Variants in AFDN observed in about 807,000 individuals in gnomAD.
The protein encoded by AFDN is afadin.
A neutral mutation model predicts 216.6 loss-of-function variants in AFDN; 68 were observed. The ratio of observed to expected loss-of-function variants is 0.31; its 90% CI spans 0.26 to 0.38. The LOEUF (loss-of-function observed/expected upper bound fraction) is 0.38. AFDN is among the 10% of genes least tolerant of loss of function. The pLI is 1.00. For synonymous variants in AFDN, 868 were observed against 853.7 expected (o/e 1.02, Z -0.29); for missense variants, 2,136 against 2,342.0 (o/e 0.91, Z 1.82).
chr6:167,868,233 CT>C (rs2128239535), intron 2 of AFDN, among the ~76,000 whole-genome samples: 1 of 152,206 alleles, frequency 6.6e-6, no homozygotes, highest in African/African-American at 2.4e-5. Context: ...TAAAAGGCCC[CT>C]TAGAAAAACA....
At chr6:167,918,608 CTGTGTGTG>C in intron 20 of AFDN, 119 bp from the exon 21 acceptor site, 2 of 793,486 alleles carry the variant, frequency 2.5e-6, no homozygotes, top group Non-Finnish European at 2.1e-6. Context: ...CTGCGTCTGT[CTGTGTGTG>C]TGTGTGTGTC....
At chr6:167,930,639 C>G (rs1427725370) in intron 23 of AFDN, among the ~76,000 whole-genome samples, 1 of 152,160 alleles carries the variant, frequency 6.6e-6, no homozygotes, top group East Asian at 1.9e-4. Flanking sequence ...CAAGCTTTTT[C>G]TGTAAGGGCC....
chr6:167,834,170 T>G (rs1269458225), intron 1 of AFDN, among the ~76,000 whole-genome samples: 2 of 152,170 alleles, frequency 1.3e-5, no homozygotes, highest in South Asian at 4.1e-4. Flanking sequence ...AGTTCTTTAG[T>G]GGTGATTTGT....
intron 12 of AFDN, among the ~76,000 whole-genome samples, chr6:167,904,909 C>T (rs1413423028): frequency 1.3e-5 from 2 of 152,162 alleles, no homozygotes; most frequent in African/African-American, 4.8e-5. Context: ...GGCTTCCCAA[C>T]CCATATATCA....
At chr6:167,922,734 A>T in intron 21 of AFDN, 122 bp from the exon 22 acceptor site, 1 of 617,816 alleles carries the variant, frequency 1.6e-6, no homozygotes, top group Non-Finnish European at 2.9e-6. Context: ...AGGGGATTAA[A>T]GGTGTAGAGT....
chr6:167,922,647 C>G (rs1009548155), intron 21 of AFDN, among the ~76,000 whole-genome samples: 1 of 152,142 alleles, frequency 6.6e-6, no homozygotes, highest in Admixed American at 6.5e-5. Context: ...GCCAATTTTA[C>G]TTTACTGCTT....
intron 12 of AFDN, among the ~76,000 whole-genome samples, chr6:167,903,666 A>G (rs1487157206): frequency 6.6e-6 from 1 of 150,738 alleles, no homozygotes. Context: ...CTTTTAGAAA[A>G]CTCTTTATAC....
intron 19 of AFDN, 46 bp downstream of exon 19, chr6:167,915,479 G>A (rs527836673): frequency 1.3e-6 from 2 of 1,549,938 alleles, no homozygotes; most frequent in Admixed American, 1.9e-5. Context: ...TATGATAAAG[G>A]CATCTGATCT....
intron 21 of AFDN, among the ~76,000 whole-genome samples, chr6:167,919,850 T>C (rs1791555801): frequency 6.6e-6 from 1 of 152,196 alleles, no homozygotes; most frequent in African/African-American, 2.4e-5. Context: ...GGGGTTTGTT[T>C]AAACACATAA....
chr6:167,892,143 G>A (rs1787692271), intron 8 of AFDN, among the ~76,000 whole-genome samples: 2 of 152,208 alleles, frequency 1.3e-5, no homozygotes, highest in African/African-American at 4.8e-5. Flanking sequence ...GTTAGTGGCA[G>A]TGTGGCTTTA....
intron 1 of AFDN, among the ~76,000 whole-genome samples, chr6:167,851,442 C>T (rs756047628): frequency 6.6e-5 from 10 of 152,208 alleles, no homozygotes; most frequent in Non-Finnish European, 1.3e-4. Flanking sequence ...CCTCCACCCT[C>T]CAGTGGGTCC....
intron 29 of AFDN, among the ~76,000 whole-genome samples, chr6:167,950,862 T>C (rs926464293): frequency 2.6e-5 from 4 of 151,296 alleles, no homozygotes; most frequent in Non-Finnish European, 5.9e-5. Context: ...TGCTTTTTTT[T>C]TTTTTTTTTT....
Position 167,943,438 on chromosome 6 carries a change from G to T in AFDN, c.3202G>T (p.Val1068Leu), listed in dbSNP as rs1794925782. The T allele has an allele frequency of 7.4e-6, 12 of 1,614,208 alleles. No homozygotes were observed. Among genetic ancestry groups the T allele is most frequent in the Non-Finnish European group, 1.0e-5 (12 of 1,180,020 alleles). The change falls in exon 25 of 34, where the codon GTG becomes TTG. Residue 1068 changes from valine (V) to leucine (L), a missense_variant. Transcript: ENST00000683244. ...RLAAGDQLLS[V>L]DGRSLVGLSQ... ...AGCTGCAGGTGATCAGCTCCTCAGT[G>T]TGGATGGACGAAGTCTGGTTGGACT...
chr6:167,899,106 G>A (rs1344364405), intron 11 of AFDN, among the ~76,000 whole-genome samples: 3 of 152,100 alleles, frequency 2.0e-5, no homozygotes. Flanking sequence ...GCACAGACAT[G>A]AACCCGCGTG....
intron 19 of AFDN, among the ~76,000 whole-genome samples, chr6:167,915,859 G>A (rs576187855): frequency 2.0e-4 from 31 of 152,326 alleles, no homozygotes; most frequent in East Asian, 1.9e-3. Flanking sequence ...TGTATAAGGT[G>A]TATATGAAAC....
In AFDN at chr6:167,951,269, A is replaced by G; in HGVS notation, c.3915A>G (p.Arg1305=). Residue 1305 remains arginine (R), a synonymous_variant, in exon 30 of 34, where the codon CGA becomes CGG. Transcript: ENST00000683244. The surrounding 1 kb of genome is among the most constrained non-coding windows in gnomAD (Gnocchi z 7.1). ...ERHRIEAAMD[R]KSDSDMWINQ... is the part of the protein sequence containing the mutation. ...ATCGAATAGAGGCAGCTATGGACCG[A>G]AAGTCTGATAGTGATATGTGGATAA... The G allele has an allele frequency of 6.2e-7, 1 of 1,613,644 alleles. No homozygotes were observed. Among genetic ancestry groups the G allele is most frequent in the East Asian group, 2.2e-5 (1 of 44,878 alleles).
chr6:167,852,855 T>C (rs927245588), intron 1 of AFDN, among the ~76,000 whole-genome samples: 2 of 152,166 alleles, frequency 1.3e-5, no homozygotes, highest in Admixed American at 6.5e-5. Flanking sequence ...GTATTCAGAT[T>C]GTCCCAAATT....
chr6:167,864,322 C>T, intron 1 of AFDN: 1 of 727,910 alleles, frequency 1.4e-6, no homozygotes, highest in South Asian at 1.4e-5. Context: ...TATTTGACAG[C>T]CATTATTTCA....
At chr6:167,851,009 C>T (rs1782243065) in intron 1 of AFDN, among the ~76,000 whole-genome samples, 1 of 152,118 alleles carries the variant, frequency 6.6e-6, no homozygotes, top group South Asian at 2.1e-4. Context: ...ATTCTCCTGC[C>T]TCCTGCATTC....
Sources: gnomAD v4.1 joint callset for allele counts (sites outside exome capture counted in the v4.1 genomes callset) on GRCh38, gnomAD v4.1.1 for gene constraint, Gnocchi (gnomAD v3.1) non-coding constraint, MANE v1.5 for transcripts, NCBI Gene and HGNC (gene_info 2026-07-23, HGNC 2026-07-21) for gene names.